ACCSL: variants seen among roughly 807,000 people sequenced by gnomAD.
ACCSL encodes 1-aminocyclopropane-1-carboxylate synthase homolog (inactive) like.
A neutral mutation model predicts 61.7 loss-of-function variants in ACCSL; 55 were observed. The ratio of observed to expected loss-of-function variants is 0.89; its 90% CI spans 0.72 to 1.12. The LOEUF is 1.12. Ranked by LOEUF, ACCSL falls within the 50% of genes most tolerant of loss-of-function variation. The pLI is 0.00. For synonymous variants in ACCSL, 258 were observed against 264.3 expected, an observed-to-expected ratio of 0.98 and a Z score of 0.23; for missense variants, 632 against 698.0, an observed-to-expected ratio of 0.91 and a Z score of 1.07.
chr11:43,941,647 C>T, the ACCSL span, among the ~76,000 whole-genome samples: 1 of 152,230 alleles, frequency 6.6e-6, no homozygotes, highest in Admixed American at 6.5e-5. Flanking sequence ...TACTCACCCT[C>T]AGCAGGGGGC....
At chr11:43,983,196 G>T in the ACCSL span, among the ~76,000 whole-genome samples, 1 of 152,176 alleles carries the variant, frequency 6.6e-6, no homozygotes, top group Admixed American at 6.5e-5. Context: ...AGCTCTCAAG[G>T]AACTTGAGAG....
chr11:43,940,949 C>G, the ACCSL span, among the ~76,000 whole-genome samples: 2 of 152,142 alleles, frequency 1.3e-5, no homozygotes, highest in Non-Finnish European at 1.5e-5. Flanking sequence ...CTTGCTACTT[C>G]CTGCTGTGGG....
At chr11:44,011,795 C>T in the ACCSL span, among the ~76,000 whole-genome samples, 6 of 150,854 alleles carry the variant, frequency 4.0e-5, no homozygotes, top group African/African-American at 9.7e-5. Context: ...TGTGTGGGGG[C>T]GTGTGTGTGT....
the ACCSL span, among the ~76,000 whole-genome samples, chr11:43,941,453 C>T: frequency 3.4e-4 from 52 of 152,364 alleles, no homozygotes; most frequent in African/African-American, 1.2e-3. Context: ...ATCCCACTGA[C>T]CCCCTCCTTT....
the ACCSL span, among the ~76,000 whole-genome samples, chr11:43,934,884 A>C: frequency 6.6e-6 from 1 of 152,204 alleles, no homozygotes; most frequent in East Asian, 1.9e-4. Context: ...CTAATGGCTG[A>C]AGAACTGGTG....
chr11:44,016,590 TGG>T, the ACCSL span, among the ~76,000 whole-genome samples: 3 of 152,134 alleles, frequency 2.0e-5, no homozygotes, highest in African/African-American at 7.2e-5. Flanking sequence ...CTGTTCAGGT[TGG>T]GGGTCCAGCT....
chr11:43,971,646 G>C, the ACCSL span: 1 of 152,254 alleles, frequency 6.6e-6, no homozygotes, highest in Non-Finnish European at 1.5e-5. Context: ...ATAGATCGAG[G>C]CTGGAAAGAC....
chr11:43,972,090 A>G, the ACCSL span, among the ~76,000 whole-genome samples: 5 of 152,120 alleles, frequency 3.3e-5, no homozygotes, highest in African/African-American at 7.2e-5. Context: ...TGGGCACTCA[A>G]TAAATACTTG....
chr11:43,945,681 A>G, the ACCSL span: 13 of 13,832 alleles, frequency 9.4e-4, no homozygotes, highest in African/African-American at 4.4e-3. Context: ...CTATCTCTAC[A>G]AAAAAAAAAA....
At chr11:43,930,200 G>A in the ACCSL span, among the ~76,000 whole-genome samples, 3 of 152,170 alleles carry the variant, frequency 2.0e-5, no homozygotes, top group Admixed American at 2.0e-4. Flanking sequence ...TTAGTGTCCA[G>A]AAAGACAGTA....
At chr11:43,961,762 A>T in the ACCSL span, among the ~76,000 whole-genome samples, 2 of 152,062 alleles carry the variant, frequency 1.3e-5, no homozygotes. Context: ...TGATGCAGGA[A>T]AATAGGCTCT....
chr11:44,038,741 C>A, the ACCSL span, among the ~76,000 whole-genome samples: 2 of 152,156 alleles, frequency 1.3e-5, no homozygotes, highest in African/African-American at 4.8e-5. Context: ...CTGAAATCAA[C>A]GGGCAAAATG....
chr11:43,957,180 A>G, the ACCSL span, among the ~76,000 whole-genome samples: 1 of 152,318 alleles, frequency 6.6e-6, no homozygotes, highest in Non-Finnish European at 1.5e-5. Flanking sequence ...CATGTCTCCA[A>G]GGTGGTTGGG....
At chr11:44,045,845 TTTG>T (rs1393995620), upstream of ACCSL, among the ~76,000 whole-genome samples, 2 of 152,204 alleles carry the variant, frequency 1.3e-5, no homozygotes, top group Non-Finnish European at 2.9e-5. Flanking sequence ...CATCTTTGAC[TTTG>T]TTGTTAAGGT....
chr11:43,932,693 T>G, the ACCSL span, among the ~76,000 whole-genome samples: 1 of 152,220 alleles, frequency 6.6e-6, no homozygotes, highest in Admixed American at 6.5e-5. Flanking sequence ...TTTGCAGGTG[T>G]CCTCAGCACC....
At chr11:44,006,382 G>A in the ACCSL span, among the ~76,000 whole-genome samples, 1 of 152,178 alleles carries the variant, frequency 6.6e-6, no homozygotes, top group African/African-American at 2.4e-5. Flanking sequence ...CATTTGAGTG[G>A]CTGAGAGCCA....
At chr11:43,929,651 C>T in the ACCSL span, among the ~76,000 whole-genome samples, 1 of 152,294 alleles carries the variant, frequency 6.6e-6, no homozygotes. Flanking sequence ...AGGTGATCCA[C>T]CCACCTTGGC....
At chr11:43,988,835 G>T in the ACCSL span, among the ~76,000 whole-genome samples, 2 of 111,436 alleles carry the variant, frequency 1.8e-5, no homozygotes, top group East Asian at 3.1e-4. Flanking sequence ...TTTTTTTGGA[G>T]ACAGGGTCTG....
At chr11:43,977,187 G>A in the ACCSL span, among the ~76,000 whole-genome samples, 3 of 152,228 alleles carry the variant, frequency 2.0e-5, no homozygotes, top group Non-Finnish European at 2.9e-5. Flanking sequence ...GCCTCTCTGA[G>A]TGTGGTAGGT....
Sources: allele counts gnomAD v4.1 joint callset (sites outside exome capture counted in the v4.1 genomes callset), GRCh38; gene constraint gnomAD v4.1.1; transcripts MANE v1.5; gene names NCBI Gene and HGNC (gene_info 2026-07-23, HGNC 2026-07-21).